ARB2A: variants seen among roughly 807,000 people sequenced by gnomAD.
ARB2A encodes ARB2 cotranscriptional regulator A.
At chr5:93,676,212 A>G in the ARB2A span, among the ~76,000 whole-genome samples, 1 of 152,296 alleles carries the variant, frequency 6.6e-6, no homozygotes. Context: ...TTCCATTATG[A>G]CCAAGTACAA....
chr5:94,107,220 T>A, the ARB2A span, among the ~76,000 whole-genome samples: 4 of 152,148 alleles, frequency 2.6e-5, no homozygotes, highest in African/African-American at 9.7e-5. Context: ...ATTACGTATA[T>A]TACAAAAGAG....
the ARB2A span, among the ~76,000 whole-genome samples, chr5:93,788,763 G>C: frequency 7.2e-5 from 11 of 152,170 alleles, no homozygotes; most frequent in Non-Finnish European, 1.3e-4. Flanking sequence ...TTTGAAGGCA[G>C]GGAGATGTTG....
chr5:94,058,649 C>A, the ARB2A span, among the ~76,000 whole-genome samples: 1 of 151,978 alleles, frequency 6.6e-6, no homozygotes, highest in African/African-American at 2.4e-5. Context: ...GCAGAATTAT[C>A]CAAAATGAAG....
the ARB2A span, among the ~76,000 whole-genome samples, chr5:93,730,935 T>A: frequency 6.6e-6 from 1 of 152,210 alleles, no homozygotes; most frequent in African/African-American, 2.4e-5. Context: ...ATTTTATTTT[T>A]TGTAAAATTT....
chr5:94,104,645 A>G, the ARB2A span, among the ~76,000 whole-genome samples: 1 of 152,130 alleles, frequency 6.6e-6, no homozygotes, highest in African/African-American at 2.4e-5. Context: ...TCGTCAAATC[A>G]TTCTATGAAG....
the ARB2A span, among the ~76,000 whole-genome samples, chr5:94,024,416 G>A: frequency 3.9e-5 from 6 of 152,188 alleles, no homozygotes; most frequent in East Asian, 1.2e-3. Context: ...ATAATCACAT[G>A]AGCCAATTCC....
chr5:93,947,495 C>CAG, the ARB2A span, among the ~76,000 whole-genome samples: 1 of 134,982 alleles, frequency 7.4e-6, no homozygotes, highest in East Asian at 2.2e-4. Flanking sequence ...ACAATCTTGG[C>CAG]TCACTGTATC....
chr5:93,744,434 CA>C, the ARB2A span, among the ~76,000 whole-genome samples: 587 of 14,462 alleles, frequency 0.041, no homozygotes, highest in African/African-American at 0.051. Context: ...GACTCAGTCT[CA>C]AAAAAAAAAA....
the ARB2A span, among the ~76,000 whole-genome samples, chr5:93,984,799 G>C: frequency 6.6e-6 from 1 of 152,076 alleles, no homozygotes; most frequent in Non-Finnish European, 1.5e-5. Context: ...AATAATGAAT[G>C]AATGAAAAAA....
At chr5:93,789,836 C>T in the ARB2A span, among the ~76,000 whole-genome samples, 22 of 152,166 alleles carry the variant, frequency 1.4e-4, no homozygotes, top group African/African-American at 4.3e-4. Context: ...TGGTGTAACA[C>T]TAAAACCTTG....
At chr5:93,935,051 T>C in the ARB2A span, among the ~76,000 whole-genome samples, 5 of 152,104 alleles carry the variant, frequency 3.3e-5, no homozygotes, top group East Asian at 5.8e-4. Flanking sequence ...ATAAGAATGA[T>C]ACAATGGACT....
At chr5:94,076,483 A>G in the ARB2A span, among the ~76,000 whole-genome samples, 1 of 152,226 alleles carries the variant, frequency 6.6e-6, no homozygotes, top group Non-Finnish European at 1.5e-5. Context: ...TAAAACAAAT[A>G]TGGTCACTGC....
At chr5:93,628,724 A>T in the ARB2A span, among the ~76,000 whole-genome samples, 1 of 152,126 alleles carries the variant, frequency 6.6e-6, no homozygotes, top group African/African-American at 2.4e-5. Flanking sequence ...GAAGTTTCCA[A>T]CTTTTCTTCT....
chr5:93,895,629 A>G, the ARB2A span, among the ~76,000 whole-genome samples: 1 of 152,122 alleles, frequency 6.6e-6, no homozygotes, highest in South Asian at 2.1e-4. Context: ...TTTATATCAC[A>G]TCATAATGTG....
the ARB2A span, among the ~76,000 whole-genome samples, chr5:93,641,404 A>G: frequency 6.6e-6 from 1 of 152,174 alleles, no homozygotes; most frequent in Non-Finnish European, 1.5e-5. Context: ...AAAAGTTAAA[A>G]AATCATATTG....
the ARB2A span, among the ~76,000 whole-genome samples, chr5:93,967,016 A>T: frequency 6.1e-5 from 8 of 130,244 alleles, no homozygotes; most frequent in African/African-American, 1.9e-4. Flanking sequence ...TTCAAGATTT[A>T]AAAAAAAAAA....
the ARB2A span, among the ~76,000 whole-genome samples, chr5:93,656,516 C>A: frequency 6.6e-6 from 1 of 152,032 alleles, no homozygotes; most frequent in African/African-American, 2.4e-5. Context: ...AGTATTCTCA[C>A]GAAAAAGCTC....
the ARB2A span, among the ~76,000 whole-genome samples, chr5:93,722,260 G>A: frequency 6.6e-6 from 1 of 152,048 alleles, no homozygotes; most frequent in Non-Finnish European, 1.5e-5. Flanking sequence ...TGTCCTTAAT[G>A]TGTGTTCAGT....
chr5:94,091,660 A>T, the ARB2A span, among the ~76,000 whole-genome samples: 4 of 152,198 alleles, frequency 2.6e-5, no homozygotes, highest in Non-Finnish European at 5.9e-5. Flanking sequence ...GAATGGAGCC[A>T]CAGTGTGACT....
Sources: allele counts gnomAD v4.1 joint callset (sites outside exome capture counted in the v4.1 genomes callset), GRCh38; gene constraint gnomAD v4.1.1; transcripts MANE v1.5; gene names NCBI Gene and HGNC (gene_info 2026-07-23, HGNC 2026-07-21).